Variants in MRPL18 observed in about 807,000 individuals in gnomAD.
MRPL18 encodes the protein mitochondrial ribosomal protein L18.
A neutral mutation model predicts 20.9 loss-of-function variants in MRPL18; 16 were observed. The ratio of observed to expected loss-of-function variants is 0.76; its 90% CI spans 0.52 to 1.16. The LOEUF is 1.16. Among genes scored for constraint, MRPL18 ranks in the 50% most tolerant of loss-of-function variants. MRPL18 has a pLI of 0.00. For missense variants in MRPL18, 233 were observed against 230.6 expected (o/e 1.01, Z -0.07); for synonymous variants, 91 against 87.1 (o/e 1.04, Z -0.25).
intron 2 of MRPL18, among the ~76,000 whole-genome samples, chr6:159,796,128 C>CTTTT (rs371374052): frequency 6.9e-5 from 8 of 116,342 alleles, no homozygotes; most frequent in African/African-American, 1.0e-4. Flanking sequence ...CTTCATTTTA[C>CTTTT]TTTTTTTTTT....
chr6:159,792,508 G>A (rs555009222), intron 2 of MRPL18, among the ~76,000 whole-genome samples: 2 of 152,318 alleles, frequency 1.3e-5, no homozygotes, highest in East Asian at 3.9e-4. Flanking sequence ...GGATAATGAT[G>A]TGTTACAGTT....
At chr6:159,792,573 T>G (rs1016193888) in intron 2 of MRPL18, among the ~76,000 whole-genome samples, 1 of 152,196 alleles carries the variant, frequency 6.6e-6, no homozygotes, top group Non-Finnish European at 1.5e-5. Context: ...GAGTAGGCAG[T>G]TCACTTTTTA....
intron 1 of MRPL18, 57 bp downstream of exon 1, chr6:159,790,696 T>G (rs11757681): frequency 0.53 from 838,975 of 1,597,984 alleles, 226,554 homozygotes; most frequent in Admixed American, 0.6. Flanking sequence ...CACAGTACAT[T>G]GGAACGTGCG....
At chr6:159,797,596 GT>G in intron 3 of MRPL18, 78 bp downstream of exon 3, 1 of 1,351,548 alleles carries the variant, frequency 7.4e-7, no homozygotes, top group Non-Finnish European at 1.0e-6. Context: ...AATAATAACA[GT>G]TTTTACTTAC....
chr6:159,794,261 T>A (rs1214719232), intron 2 of MRPL18, among the ~76,000 whole-genome samples: 1 of 152,230 alleles, frequency 6.6e-6, no homozygotes, highest in Non-Finnish European at 1.5e-5. Context: ...AAAATACATC[T>A]TGGAGATTCT....
chr6:159,797,150 A>C (rs1192538282), intron 2 of MRPL18, 137 bp from the exon 3 acceptor site: 1 of 838,500 alleles, frequency 1.2e-6, no homozygotes, highest in African/African-American at 1.8e-5. Context: ...CCCAAGCAAA[A>C]TCCAAGTTAA....
At position 159,790,977 on chromosome 6, in the gene MRPL18, G is replaced by A. The variant is rs1780874144; in HGVS notation, c.90G>A (p.Pro30=). The part of the protein sequence containing the change: ...RFAALSTSSE[P]AAKPEVDPVE... ...CAGCCCTGTCAACCAGCTCCGAGCC[G>A]GCAGCGAAACCTGAAGTGGACCCTG... is the stretch of plus-strand genomic sequence containing the variant. Residue 30 remains proline, a synonymous_variant, in exon 2 of 4, where the codon CCG becomes CCA. Transcript: ENST00000367034. 3 of 1,614,060 alleles carry A rather than the reference G, an allele frequency of 1.9e-6. No individual in the cohort carries two copies. The South Asian group carries it at 3.3e-5, about 18-fold the overall frequency.
In MRPL18 at chr6:159,790,554, A is replaced by G. The variant is rs1274180733; in HGVS notation, c.-34A>G. 7 of 1,613,904 alleles carry G rather than the reference A, an allele frequency of 4.3e-6. No individual in the cohort carries two copies. The highest frequency in any genetic ancestry group is 5.9e-6 in the Non-Finnish European group (7 of 1,180,008). On this transcript the variant is annotated 5_prime_UTR_variant, in exon 1 of 4. Transcript: ENST00000367034. The stretch of plus-strand genomic sequence containing the variant: ...GAGCGACTGAGTCGTCCGTGAGGAA[A>G]AAGAGGCGAGGCTTTTCCGAGATCG...
intron 2 of MRPL18, among the ~76,000 whole-genome samples, chr6:159,796,748 T>TAC (rs1158743232): frequency 6.6e-6 from 1 of 152,118 alleles, no homozygotes; most frequent in East Asian, 1.9e-4. Flanking sequence ...TGCACTGCTG[T>TAC]ACTCCGAGCT....
chr6:159,790,741 T>C, intron 1 of MRPL18, 102 bp downstream of exon 1: 2 of 1,521,866 alleles, frequency 1.3e-6, no homozygotes, highest in Non-Finnish European at 1.8e-6. Flanking sequence ...CGGATCGAAA[T>C]AGAGCTCGCG....
At chr6:159,794,447 C>T (rs968195893) in intron 2 of MRPL18, among the ~76,000 whole-genome samples, 4 of 152,214 alleles carry the variant, frequency 2.6e-5, no homozygotes, top group African/African-American at 4.8e-5. Context: ...ATCTATAAAC[C>T]GTTAAGACAG....
intron 3 of MRPL18, among the ~76,000 whole-genome samples, chr6:159,797,745 C>T (rs1781070585): frequency 6.6e-6 from 1 of 152,186 alleles, no homozygotes; most frequent in African/African-American, 2.4e-5. Flanking sequence ...TGCCCAGAGT[C>T]AGTGTATGGT....
chr6:159,796,494 A>G (rs1354048743), intron 2 of MRPL18, among the ~76,000 whole-genome samples: 1 of 151,390 alleles, frequency 6.6e-6, no homozygotes, highest in African/African-American at 2.4e-5. Flanking sequence ...AAAAAAAAAA[A>G]TGGCCATATG....
chr6:159,797,571 T>C lies in MRPL18; in HGVS notation c.471+53T>C, dbSNP rs1464047805. 2.0e-6 allele frequency: 3 copies of C among 1,524,048 alleles called. No individual in the cohort carries two copies. In the East Asian group the frequency reaches 6.8e-5, roughly 34 times the overall value. 94.4% of individuals were successfully genotyped at this position (1,524,048 alleles called of 1,614,324 possible). ...AAAGGTATTGTGTTAATTCTTGGCA[T>C]TAGATAACTTACATAATAATAACAG... is the stretch of plus-strand genomic sequence containing the variant. On this transcript the variant is annotated intron_variant, in intron 3 of 3. Transcript: ENST00000367034.
At chr6:159,797,903 T>G (rs1781075760) in intron 3 of MRPL18, 149 bp from the exon 4 acceptor site, 1 of 651,568 alleles carries the variant, frequency 1.5e-6, no homozygotes, top group Non-Finnish European at 2.6e-6. Context: ...TACATCATTA[T>G]TAAGATCACT....
chr6:159,793,211 C>T (rs933684379), intron 2 of MRPL18, among the ~76,000 whole-genome samples: 105 of 152,210 alleles, frequency 6.9e-4, no homozygotes, highest in African/African-American at 2.2e-3. Context: ...CTGCCTTACT[C>T]GCAATATTAA....
At chr6:159,790,889 C>T (rs1253662380) in intron 1 of MRPL18, 51 bp from the exon 2 acceptor site, 4 of 1,600,208 alleles carry the variant, frequency 2.5e-6, no homozygotes, top group Non-Finnish European at 3.4e-6. Context: ...GGTTCGTGCG[C>T]TGTCCATATC....
intron 2 of MRPL18, among the ~76,000 whole-genome samples, chr6:159,792,746 T>C (rs563597663): frequency 1.3e-5 from 2 of 152,318 alleles, no homozygotes; most frequent in South Asian, 4.1e-4. Context: ...CCAGCAATCT[T>C]CCCACCTCAG....
chr6:159,790,491 C>G lies in MRPL18; in HGVS notation c.-97C>G. On this transcript the variant is annotated 5_prime_UTR_variant, in exon 1 of 4. Coordinates refer to ENST00000367034, the MANE Select transcript of MRPL18 (RefSeq NM_014161.5). ...GGAGAGTTTGGGGATCTACAGCAGC[C>G]AAAGGCTTGTCCCTGACTTTATATG... 1.3e-6 allele frequency: 2 copies of G among 1,553,660 alleles called. No homozygotes were observed. The highest frequency in any genetic ancestry group is 8.8e-7 in the Non-Finnish European group (1 of 1,130,042).
Sources: allele counts gnomAD v4.1 joint callset (sites outside exome capture counted in the v4.1 genomes callset), GRCh38; gene constraint gnomAD v4.1.1; transcripts MANE v1.5; gene names NCBI Gene and HGNC (gene_info 2026-07-23, HGNC 2026-07-21).